Variants in DIS3L2 observed in about 807,000 individuals in gnomAD.
DIS3L2 encodes DIS3-like exonuclease 2.
Under a neutral mutation model 97.5 loss-of-function variants are expected in DIS3L2, and 34 were observed. That is an observed-to-expected ratio of 0.35 (90% CI 0.27 to 0.46). DIS3L2 has a LOEUF of 0.46. DIS3L2 is among the 20% of genes least tolerant of loss of function. The probability of loss-of-function intolerance (pLI) is 1.00; values close to 1 mark genes in which losing one functional copy is unlikely to be tolerated. For missense variants in DIS3L2, 1,038 were observed against 1,146.0 expected (o/e 0.91, Z 1.36); for synonymous variants, 435 against 445.2 (o/e 0.98, Z 0.29).
At chr2:232,069,559 C>A (rs972935043) in intron 5 of DIS3L2, among the ~76,000 whole-genome samples, 2 of 152,208 alleles carry the variant, frequency 1.3e-5, no homozygotes, top group Non-Finnish European at 2.9e-5. Context: ...TAGTTCACTT[C>A]CTTGCTGTGG....
chr2:232,191,872 G>A (rs946656415), intron 9 of DIS3L2, among the ~76,000 whole-genome samples: 5 of 152,074 alleles, frequency 3.3e-5, no homozygotes, highest in Non-Finnish European at 5.9e-5. Context: ...ATATTTCATC[G>A]TTTCTTTTTG....
chr2:232,100,990 C>T (rs1160871847), intron 6 of DIS3L2, among the ~76,000 whole-genome samples: 1 of 152,000 alleles, frequency 6.6e-6, no homozygotes, highest in East Asian at 1.9e-4. Context: ...AATGCCAGCA[C>T]TTTGGGAGGC....
chr2:232,290,614 C>T (rs904148843), intron 13 of DIS3L2, among the ~76,000 whole-genome samples: 6 of 152,196 alleles, frequency 3.9e-5, no homozygotes, highest in Admixed American at 2.0e-4. Context: ...CAAAGACAGA[C>T]GTTTTTTCTT....
At chr2:232,324,744 A>G (rs1295735590) in intron 14 of DIS3L2, among the ~76,000 whole-genome samples, 5 of 152,240 alleles carry the variant, frequency 3.3e-5, no homozygotes, top group Non-Finnish European at 7.3e-5. Flanking sequence ...GGCCAGTCAC[A>G]TCATAAGATG....
At chr2:231,962,580 G>A (rs561887816) in intron 1 of DIS3L2, among the ~76,000 whole-genome samples, 2 of 151,958 alleles carry the variant, frequency 1.3e-5, no homozygotes, top group South Asian at 4.2e-4. Context: ...GACTACAGGC[G>A]CCCGCCACCC....
At chr2:232,246,391 G>T (rs1473072235) in intron 11 of DIS3L2, among the ~76,000 whole-genome samples, 1 of 152,244 alleles carries the variant, frequency 6.6e-6, no homozygotes, top group Admixed American at 6.5e-5. Context: ...GGTGAAGGGG[G>T]TGCAGTGGGA....
intron 9 of DIS3L2, among the ~76,000 whole-genome samples, chr2:232,174,241 A>G (rs1475519047): frequency 6.6e-6 from 1 of 152,108 alleles, no homozygotes; most frequent in Non-Finnish European, 1.5e-5. Context: ...GCTAATGTTT[A>G]GAAATACATT....
At chr2:232,121,656 C>G (rs1265976451) in intron 6 of DIS3L2, among the ~76,000 whole-genome samples, 3 of 152,180 alleles carry the variant, frequency 2.0e-5, no homozygotes, top group Non-Finnish European at 4.4e-5. Flanking sequence ...CTGGAATCAC[C>G]TGGAAGGCTC....
At chr2:232,086,251 G>A (rs537879599) in intron 5 of DIS3L2, among the ~76,000 whole-genome samples, 6 of 145,054 alleles carry the variant, frequency 4.1e-5, no homozygotes, top group Non-Finnish European at 6.0e-5. Flanking sequence ...ATATACACAC[G>A]TATAGACGTG....
chr2:232,005,635 C>T (rs1170155640), intron 1 of DIS3L2, among the ~76,000 whole-genome samples: 1 of 152,194 alleles, frequency 6.6e-6, no homozygotes, highest in African/African-American at 2.4e-5. Context: ...CCTACTCCTC[C>T]CAACAGCCTT....
intron 1 of DIS3L2, among the ~76,000 whole-genome samples, chr2:231,995,897 C>T (rs1364083775): frequency 2.6e-5 from 4 of 152,142 alleles, no homozygotes; most frequent in Non-Finnish European, 4.4e-5. Context: ...TATTGGGTCC[C>T]AGGAGGGACT....
At chr2:232,077,302 CA>C (rs59216318) in intron 5 of DIS3L2, among the ~76,000 whole-genome samples, 100,714 of 140,410 alleles carry the variant, frequency 0.72, 35,890 homozygotes, top group African/African-American at 0.85. Flanking sequence ...TTTTACCTTC[CA>C]AAAAAAAAAA....
intron 1 of DIS3L2, among the ~76,000 whole-genome samples, chr2:231,979,977 T>C (rs371100582): frequency 6.6e-6 from 1 of 152,210 alleles, no homozygotes; most frequent in East Asian, 1.9e-4. Flanking sequence ...TGAAATACTT[T>C]TAAAATAATT....
chr2:232,160,990 T>C (rs1450173680), intron 8 of DIS3L2, among the ~76,000 whole-genome samples: 1 of 152,232 alleles, frequency 6.6e-6, no homozygotes. Flanking sequence ...TGATCTCGGC[T>C]CACCGCAACC....
At chr2:232,190,430 A>T (rs1273157974) in intron 9 of DIS3L2, among the ~76,000 whole-genome samples, 1 of 152,224 alleles carries the variant, frequency 6.6e-6, no homozygotes. Context: ...GAATTGCGTC[A>T]GTAACTATAG....
intron 3 of DIS3L2, among the ~76,000 whole-genome samples, chr2:232,020,632 C>T (rs572745166): frequency 3.4e-4 from 52 of 152,028 alleles, no homozygotes; most frequent in Non-Finnish European, 5.7e-4. Context: ...TGGTGGTGAC[C>T]GTGGCAAACA....
intron 4 of DIS3L2, 118 bp downstream of exon 4, chr2:232,024,448 G>T: frequency 1.3e-6 from 1 of 780,192 alleles, no homozygotes; most frequent in South Asian, 1.8e-5. Flanking sequence ...ATTGACGATG[G>T]GCAAAGATTT....
chr2:232,128,451 A>ATTTTTTTTTTTTTTTT (rs10682281), intron 6 of DIS3L2, among the ~76,000 whole-genome samples: 3 of 71,676 alleles, frequency 4.2e-5, no homozygotes, highest in African/African-American at 1.8e-4. Context: ...AACTTTGCTA[A>ATTTTTTTTTTTTTTTT]TTTTTTTTTT....
Position 232,206,120 on chromosome 2 carries a change from C to A in DIS3L2, c.1125-4206C>A, listed in dbSNP as rs188827265. Among the ~76,000 whole-genome samples, 354 of 152,328 alleles carry A rather than the reference C, an allele frequency of 2.3e-3. 3 individuals carry two copies. The highest frequency in any genetic ancestry group is 4.2e-3 in the Non-Finnish European group (288 of 68,020). Reference sequence around the variant, plus strand: ...GCAGTTCTTCGCATCTCCAAAGGTGCTCCCTTGAGGAATCTTGGTTCTGGG... The same window carrying A: ...GCAGTTCTTCGCATCTCCAAAGGTGATCCCTTGAGGAATCTTGGTTCTGGG... On this transcript the variant is annotated intron_variant, in intron 9 of 20. Transcript: ENST00000325385.
Sources: gnomAD v4.1 joint callset for allele counts (sites outside exome capture counted in the v4.1 genomes callset) on GRCh38, gnomAD v4.1.1 for gene constraint, MANE v1.5 for transcripts, NCBI Gene and HGNC (gene_info 2026-07-23, HGNC 2026-07-21) for gene names.